MCMDC2: variants seen among roughly 807,000 people sequenced by gnomAD.
MCMDC2 encodes the protein minichromosome maintenance domain-containing protein 2.
A neutral mutation model predicts 75.8 loss-of-function variants in MCMDC2; 54 were observed. That is an observed-to-expected ratio of 0.71 (90% CI 0.57 to 0.89). The LOEUF (loss-of-function observed/expected upper bound fraction) is 0.89, where lower values mean the gene tolerates loss of function less well. MCMDC2 is among the 40% of genes least tolerant of loss of function. The pLI, the probability that MCMDC2 is intolerant of heterozygous loss-of-function variation, is 0.00. For synonymous variants in MCMDC2, 249 were observed against 274.6 expected (o/e 0.91, Z 0.92); for missense variants, 656 against 780.4 (o/e 0.84, Z 1.90).
rs1813433718 is a variant in MCMDC2, at chr8:66,919,328, T to C, written c.*159T>C. On this transcript the variant is annotated 3_prime_UTR_variant, in exon 15 of 15. Coordinates refer to ENST00000422365, the MANE Select transcript of MCMDC2 (RefSeq NM_173518.5). ...TAAAATATAGTCCCCTCAAAACTAA[T>C]TGCTAATGGGATAAATACTAATCCA... 3 of 511,566 alleles carry C rather than the reference T, an allele frequency of 5.9e-6. No individual in the cohort carries two copies. Among genetic ancestry groups the C allele is most frequent in the Non-Finnish European group, 9.7e-6 (3 of 309,490 alleles). 31.7% of individuals were successfully genotyped at this position (511,566 alleles called of 1,614,324 possible). A position where few individuals can be genotyped will look rare whatever the true frequency, so the allele number is the denominator to read the frequency against.
rs371276788 is a variant in MCMDC2, at chr8:66,904,196, A to C, written c.1770-1030A>C. ...ATGGTCAAAACTGCTGTCGTACTGC[A>C]CTGAAAAGGAGTATTAACCAAATTA... On this transcript the variant is annotated intron_variant, in intron 13 of 14. Coordinates refer to ENST00000422365, the MANE Select transcript of MCMDC2 (RefSeq NM_173518.5). Among the ~76,000 whole-genome samples, 8 of 152,308 alleles carry C rather than the reference A, an allele frequency of 5.3e-5. 1 individual carries two copies. In the East Asian group the frequency reaches 1.5e-3, roughly 29 times the overall value.
chr8:66,886,856 G>T (rs554933351), intron 9 of MCMDC2, among the ~76,000 whole-genome samples: 1 of 152,078 alleles, frequency 6.6e-6, no homozygotes, highest in South Asian at 2.1e-4. Context: ...ACAATGTAAA[G>T]AGTTCCTCTT....
intron 13 of MCMDC2, among the ~76,000 whole-genome samples, chr8:66,903,849 A>T (rs1239843607): frequency 6.6e-6 from 1 of 152,162 alleles, no homozygotes; most frequent in African/African-American, 2.4e-5. Flanking sequence ...AGACATGATA[A>T]TTACATTTAT....
chr8:66,925,871 C>T (rs985884284), downstream of MCMDC2, among the ~76,000 whole-genome samples: 2 of 152,210 alleles, frequency 1.3e-5, no homozygotes, highest in African/African-American at 4.8e-5. Context: ...AAAGGCCGGG[C>T]GCGGTGGCTC....
At chr8:66,893,265 T>C (rs1215838517) in intron 10 of MCMDC2, among the ~76,000 whole-genome samples, 2 of 152,142 alleles carry the variant, frequency 1.3e-5, no homozygotes, top group Non-Finnish European at 2.9e-5. Context: ...TCCCAGCACT[T>C]TGGGAGGCTG....
Position 66,877,356 on chromosome 8 carries a change from T to G in MCMDC2, c.293T>G (p.Ile98Arg), listed in dbSNP as rs565477089. 6.2e-7 allele frequency: 1 copy of G among 1,602,292 alleles called. No individual in the cohort carries two copies. Among genetic ancestry groups the G allele is most frequent in the South Asian group, 1.1e-5 (1 of 89,450 alleles). The change falls in exon 5 of 15, where the codon ATA becomes AGA. Residue 98 changes from isoleucine (I) to arginine (R), a missense_variant. Ile to Arg is a moderately conservative substitution (Grantham distance 97, BLOSUM62 -3). Transcript: ENST00000422365. Reference protein sequence around the residue: ...GQLQTETQINIVLKLTHLPPL... With the variant: ...GQLQTETQINRVLKLTHLPPL... ...TTTTTATGTTCTTATTAGATTAATATAGTGCTGAAATTAACACATTTACCT... is the reference window on the plus strand; with the variant it reads ...TTTTTATGTTCTTATTAGATTAATAGAGTGCTGAAATTAACACATTTACCT...
chr8:66,888,569 A>G (rs1811951286), intron 9 of MCMDC2, among the ~76,000 whole-genome samples: 1 of 152,192 alleles, frequency 6.6e-6, no homozygotes, highest in Non-Finnish European at 1.5e-5. Context: ...GTTTTTATAA[A>G]GGTCATGCAA....
At chr8:66,882,692 T>C (rs1811645203) in intron 8 of MCMDC2, among the ~76,000 whole-genome samples, 1 of 152,156 alleles carries the variant, frequency 6.6e-6, no homozygotes, top group Non-Finnish European at 1.5e-5. Flanking sequence ...GCCTCCATAC[T>C]GTGGATAATC....
intron 14 of MCMDC2, among the ~76,000 whole-genome samples, chr8:66,911,669 C>CAAAAAAA (rs1813127739): frequency 1.3e-5 from 2 of 151,488 alleles, no homozygotes; most frequent in African/African-American, 4.9e-5. Flanking sequence ...ACTAAAAATA[C>CAAAAAAA]AAAAATTAGC....
chr8:66,918,825 G>C (rs1254798448), intron 14 of MCMDC2, among the ~76,000 whole-genome samples, 178 bp from the exon 15 acceptor site: 10 of 152,078 alleles, frequency 6.6e-5, no homozygotes, highest in Admixed American at 6.6e-4. Flanking sequence ...AATGATTATT[G>C]AAATACTCTA....
intron 14 of MCMDC2, among the ~76,000 whole-genome samples, chr8:66,909,664 T>C (rs1408379471): frequency 6.6e-6 from 1 of 152,166 alleles, no homozygotes; most frequent in African/African-American, 2.4e-5. Flanking sequence ...TTGAGAGACA[T>C]AATCAGAAAT....
chr8:66,885,380 AT>A (rs1467432587), intron 9 of MCMDC2, among the ~76,000 whole-genome samples: 1 of 151,658 alleles, frequency 6.6e-6, no homozygotes, highest in Non-Finnish European at 1.5e-5. Context: ...ATTGTATTTT[AT>A]TTTAATTTGC....
In MCMDC2 at chr8:66,920,611, G is replaced by A. The variant is rs1813488788; in HGVS notation, c.*1442G>A. 6.6e-6 allele frequency: 1 copy of A among 152,118 alleles called. No homozygotes were observed. Among genetic ancestry groups the A allele is most frequent in the Admixed American group, 6.6e-5 (1 of 15,254 alleles). The allele number at this position is 152,118 out of a possible 1,614,324, so 9.4% of individuals were successfully genotyped here. ...TTCTCAAATACTACATTTCAAACAT[G>A]TCTGGCTCTCTATGGGGGGAAGGCA... On this transcript the variant is annotated 3_prime_UTR_variant, in exon 15 of 15. Transcript: ENST00000422365.
At chr8:66,879,683 G>T (rs996007688) in intron 7 of MCMDC2, among the ~76,000 whole-genome samples, 1 of 152,156 alleles carries the variant, frequency 6.6e-6, no homozygotes, top group Non-Finnish European at 1.5e-5. Flanking sequence ...TCTAATTCTT[G>T]AGTGTTTTAA....
chr8:66,880,318 C>G (rs1410276883), intron 7 of MCMDC2, among the ~76,000 whole-genome samples: 3 of 152,240 alleles, frequency 2.0e-5, no homozygotes, highest in African/African-American at 7.2e-5. Flanking sequence ...TGCTTGAACA[C>G]TAGAATTTGA....
rs775164805 is a variant in MCMDC2, at chr8:66,880,903, C to T, written c.764C>T (p.Pro255Leu). Residue 255 changes from proline to leucine, a missense_variant, in exon 8 of 15, where the codon CCA (proline) becomes CTA (leucine). By Grantham distance (98) the Pro-to-Leu change is moderately conservative. Transcript: ENST00000422365. ...IGNEYKIIGI[P>L]TCVKTSQTAV... ...AATGAATATAAAATTATTGGAATTC[C>T]AACCTGTGTAAAAACCTCACAAACT... 4 of 1,565,824 alleles carry T rather than the reference C, an allele frequency of 2.6e-6. No individual in the cohort carries two copies. Among genetic ancestry groups the T allele is most frequent in the Non-Finnish European group, 3.5e-6 (4 of 1,156,370 alleles).
intron 8 of MCMDC2, among the ~76,000 whole-genome samples, chr8:66,883,321 T>G (rs1031672506): frequency 5.9e-5 from 9 of 152,194 alleles, no homozygotes; most frequent in African/African-American, 2.2e-4. Flanking sequence ...AACACAGCAA[T>G]GCAGGCGCTC....
At chr8:66,895,462 A>G (rs563417880) in intron 10 of MCMDC2, among the ~76,000 whole-genome samples, 25 of 147,628 alleles carry the variant, frequency 1.7e-4, no homozygotes, top group African/African-American at 6.3e-4. Flanking sequence ...GGTGGAGTTC[A>G]ATGGTGTCAT....
At chr8:66,907,126 A>G (rs551952294) in intron 14 of MCMDC2, among the ~76,000 whole-genome samples, 12 of 151,992 alleles carry the variant, frequency 7.9e-5, no homozygotes, top group Middle Eastern at 3.4e-3. Flanking sequence ...GGTTTGTTAC[A>G]TAAGTATACA....
Sources: gnomAD v4.1 joint callset for allele counts (sites outside exome capture counted in the v4.1 genomes callset) on GRCh38, gnomAD v4.1.1 for gene constraint, MANE v1.5 for transcripts, NCBI Gene and HGNC (gene_info 2026-07-23, HGNC 2026-07-21) for gene names.